STAG1: variants seen among roughly 807,000 people sequenced by gnomAD.
STAG1 encodes STAG1 cohesin complex component, also known as cohesin subunit SA-1.
A neutral mutation model predicts 170.9 loss-of-function variants in STAG1; 26 were observed. The observed-to-expected ratio is 0.15, with a 90% CI of 0.11 to 0.21. The LOEUF is 0.21. Among genes scored for constraint, STAG1 ranks in the 10% least tolerant of loss-of-function variants. STAG1 has a pLI of 1.00. For synonymous variants in STAG1, 514 were observed against 497.7 expected (o/e 1.03, Z -0.44); for missense variants, 964 against 1,509.5 (o/e 0.64, Z 5.99).
intron 1 of STAG1, among the ~76,000 whole-genome samples, chr3:136,718,107 G>A (rs1328105344): frequency 1.3e-5 from 2 of 151,994 alleles, no homozygotes; most frequent in Admixed American, 6.6e-5. Flanking sequence ...TTAAACAAAG[G>A]TAAAAAGAAA....
At chr3:136,653,246 T>C (rs371983067) in intron 1 of STAG1, among the ~76,000 whole-genome samples, 44 of 148,940 alleles carry the variant, frequency 3.0e-4, no homozygotes, top group African/African-American at 1.1e-3. Context: ...CACTCCAGCC[T>C]GGGCAACAAG....
intron 26 of STAG1, among the ~76,000 whole-genome samples, chr3:136,361,315 CCT>C (rs1201022695): frequency 1.3e-5 from 2 of 152,100 alleles, no homozygotes; most frequent in East Asian, 3.9e-4. Flanking sequence ...TAACCATTCC[CCT>C]GTTGATAGAC....
intron 21 of STAG1, among the ~76,000 whole-genome samples, chr3:136,406,303 G>A (rs902824426): frequency 4.6e-5 from 7 of 152,098 alleles, no homozygotes; most frequent in Non-Finnish European, 1.0e-4. Context: ...TGCTCTCAAC[G>A]GTTACATGCT....
At chr3:136,513,854 A>G (rs1165786396) in intron 7 of STAG1, among the ~76,000 whole-genome samples, 1 of 152,132 alleles carries the variant, frequency 6.6e-6, no homozygotes, top group Non-Finnish European at 1.5e-5. Flanking sequence ...TAAAAAAGAA[A>G]GACAAAAAAT....
At chr3:136,477,612 T>C (rs189348020) in intron 9 of STAG1, among the ~76,000 whole-genome samples, 200 bp from the exon 10 acceptor site, 45 of 152,204 alleles carry the variant, frequency 3.0e-4, no homozygotes, top group African/African-American at 9.6e-4. Flanking sequence ...AAAAAAAAGC[T>C]TCTATTAAAC....
At chr3:136,354,713 C>T (rs774413397) in intron 28 of STAG1, among the ~76,000 whole-genome samples, 1 of 32,644 alleles carries the variant, frequency 3.1e-5, no homozygotes, top group Admixed American at 4.4e-4. Context: ...CACTAGAAAA[C>T]ATACATTTAA....
chr3:136,641,738 A>G (rs1350547459), intron 1 of STAG1, among the ~76,000 whole-genome samples: 1 of 152,218 alleles, frequency 6.6e-6, no homozygotes, highest in East Asian at 1.9e-4. Context: ...CTTTAGTAGG[A>G]CAACTGATGA....
chr3:136,433,301 T>G (rs1209429069), intron 16 of STAG1, among the ~76,000 whole-genome samples: 1 of 151,658 alleles, frequency 6.6e-6, no homozygotes, highest in Non-Finnish European at 1.5e-5. Context: ...GTAAAAATCC[T>G]TAAAATATAT....
At chr3:136,489,110 A>C (rs1274271502) in intron 9 of STAG1, among the ~76,000 whole-genome samples, 2 of 152,228 alleles carry the variant, frequency 1.3e-5, no homozygotes, top group East Asian at 3.8e-4. Context: ...TTGGAAACTC[A>C]AAGAAAAGGA....
chr3:136,376,012 T>TAAA (rs1553796066), intron 23 of STAG1, among the ~76,000 whole-genome samples: 53 of 14,198 alleles, frequency 3.7e-3, no homozygotes, highest in East Asian at 0.014. Context: ...AAATAAATAA[T>TAAA]TAACAAAATA....
intron 3 of STAG1, among the ~76,000 whole-genome samples, chr3:136,606,192 A>ATT (rs1175092374): frequency 2.1e-5 from 3 of 145,678 alleles, no homozygotes; most frequent in Non-Finnish European, 3.0e-5. Context: ...CTTTCTTTGA[A>ATT]TTTTTTTTTT....
intron 6 of STAG1, among the ~76,000 whole-genome samples, chr3:136,527,777 T>C (rs1021814970): frequency 6.6e-6 from 1 of 152,188 alleles, no homozygotes; most frequent in Non-Finnish European, 1.5e-5. Context: ...TGGATGTCCT[T>C]TCTGTTTGTT....
chr3:136,427,216 G>A (rs1472331005), intron 16 of STAG1, among the ~76,000 whole-genome samples: 3 of 150,148 alleles, frequency 2.0e-5, no homozygotes, highest in Admixed American at 2.0e-4. Flanking sequence ...GCAACAGAGC[G>A]AGACTCCAAC....
At chr3:136,664,623 C>T (rs532139516) in intron 1 of STAG1, among the ~76,000 whole-genome samples, 2 of 152,282 alleles carry the variant, frequency 1.3e-5, no homozygotes, top group South Asian at 4.1e-4. Context: ...CACAGATATA[C>T]TATACATTTG....
At chr3:136,708,494 C>T (rs901871184) in intron 1 of STAG1, among the ~76,000 whole-genome samples, 6 of 151,862 alleles carry the variant, frequency 4.0e-5, no homozygotes, top group Non-Finnish European at 7.4e-5. Flanking sequence ...TTATTACTTA[C>T]GGATATGAGA....
At position 136,485,324 on chromosome 3, in the gene STAG1, GT is replaced by G. The variant is rs2089985224; in HGVS notation, c.903-7913del. Among the ~76,000 whole-genome samples, 7 of 152,154 alleles carry G rather than the reference GT, an allele frequency of 4.6e-5. 1 individual carries two copies. The South Asian group carries it at 8.3e-4, about 18-fold the overall frequency. On this transcript the variant is annotated intron_variant, in intron 9 of 33. Coordinates refer to ENST00000383202, the MANE Select transcript of STAG1 (RefSeq NM_005862.3). ...TACAAAAAATTAGCTGGGCGTGGTG[GT>G]GGGCACCTGTAGTCCCAGCTACTCG... is the stretch of plus-strand genomic sequence containing the variant.
intron 21 of STAG1, among the ~76,000 whole-genome samples, chr3:136,404,166 A>G (rs2087415035): frequency 6.6e-6 from 1 of 152,202 alleles, no homozygotes; most frequent in Admixed American, 6.5e-5. Context: ...CAAAAAATTG[A>G]AAAAGGCAAA....
intron 7 of STAG1, among the ~76,000 whole-genome samples, chr3:136,506,658 A>G (rs370094850): frequency 9.9e-4 from 150 of 151,718 alleles, no homozygotes; most frequent in African/African-American, 3.1e-3. Context: ...AAAAAAAAAA[A>G]AAAAGAAAAG....
At chr3:136,514,221 G>A (rs956835125) in intron 7 of STAG1, among the ~76,000 whole-genome samples, 10 of 152,188 alleles carry the variant, frequency 6.6e-5, no homozygotes, top group Admixed American at 4.6e-4. Flanking sequence ...AACCAAGTAA[G>A]CTTAGCTGTT....
Sources: gnomAD v4.1 joint callset for allele counts (sites outside exome capture counted in the v4.1 genomes callset) on GRCh38, gnomAD v4.1.1 for gene constraint, MANE v1.5 for transcripts, NCBI Gene and HGNC (gene_info 2026-07-23, HGNC 2026-07-21) for gene names.